Variants in CDH23 observed in about 807,000 individuals in gnomAD.
The protein encoded by CDH23 is cadherin related 23.
CDH23 carries 189 observed loss-of-function variants against 317.1 expected under a neutral mutation model. That is an observed-to-expected ratio of 0.60 (90% confidence interval 0.53 to 0.67). CDH23 has a LOEUF of 0.67. CDH23 is among the 30% of genes least tolerant of loss of function. CDH23 has a pLI of 0.00. For missense variants in CDH23, 4,401 were observed against 4,592.4 expected, an observed-to-expected ratio of 0.96 and a Z score of 1.20; for synonymous variants, 1,839 against 1,876.8, an observed-to-expected ratio of 0.98 and a Z score of 0.52.
intron 38 of CDH23, chr10:71,755,093 AT>A (rs751887871): frequency 3.2e-6 from 2 of 616,266 alleles, no homozygotes; most frequent in Non-Finnish European, 6.1e-6. Flanking sequence ...GCATATGATC[AT>A]TCATTCAGAA....
intron 19 of CDH23, among the ~76,000 whole-genome samples, chr10:71,688,690 C>G (rs866971624): frequency 0.19 from 1,194 of 6,326 alleles, no homozygotes; most frequent in Admixed American, 0.21. Context: ...GTGGAGCCAA[C>G]GGTGGTGGAG....
chr10:71,672,282 G>T (rs184163791), intron 14 of CDH23, among the ~76,000 whole-genome samples: 1 of 152,046 alleles, frequency 6.6e-6, no homozygotes, highest in East Asian at 1.9e-4. Context: ...ATTCAGGGCC[G>T]ACAATGTGTG....
At chr10:71,483,435 C>T (rs758243768) in intron 3 of CDH23, among the ~76,000 whole-genome samples, 8 of 152,188 alleles carry the variant, frequency 5.3e-5, no homozygotes, top group Non-Finnish European at 1.2e-4. Flanking sequence ...TCTGGTGATT[C>T]CCAGCTGGGT....
intron 3 of CDH23, among the ~76,000 whole-genome samples, chr10:71,482,049 G>C (rs1478789804): frequency 6.6e-6 from 1 of 152,136 alleles, no homozygotes; most frequent in African/African-American, 2.4e-5. Context: ...CCTGACTGAG[G>C]CCCTTCGCAA....
intron 8 of CDH23, among the ~76,000 whole-genome samples, chr10:71,571,552 C>T (rs1857810521): frequency 6.6e-6 from 1 of 152,228 alleles, no homozygotes; most frequent in African/African-American, 2.4e-5. Context: ...CATGCCTCGG[C>T]CCACTCTGCA....
intron 6 of CDH23, among the ~76,000 whole-genome samples, chr10:71,563,751 T>C (rs918427819): frequency 6.6e-6 from 1 of 150,434 alleles, no homozygotes. Context: ...TTTTTCTTTT[T>C]TTTTTTTTCT....
chr10:71,742,847 G>A (rs1839774064), intron 38 of CDH23, among the ~76,000 whole-genome samples: 1 of 152,206 alleles, frequency 6.6e-6, no homozygotes, highest in Admixed American at 6.5e-5. Context: ...AATTCTGCAG[G>A]CTGGCAATCT....
At chr10:71,584,661 A>G (rs1324121934) in intron 9 of CDH23, among the ~76,000 whole-genome samples, 1 of 152,066 alleles carries the variant, frequency 6.6e-6, no homozygotes, top group Non-Finnish European at 1.5e-5. Context: ...GCCTCTGGCC[A>G]TGGCCTAGTG....
rs1033270221 is a variant in CDH23, at chr10:71,780,962, G to A, written c.5368+1515G>A. Among the ~76,000 whole-genome samples the A allele has an allele frequency of 4.6e-5, 7 of 152,206 alleles. No homozygotes were observed. The East Asian group carries it at 1.2e-3, about 25-fold the overall frequency. On this transcript the variant is annotated intron_variant, in intron 41 of 69. Transcript: ENST00000224721. Reference sequence around the variant, plus strand: ...TGTGAGAGAAAGTCAAGGTTTTGGCGTGAGCAACCCAAAAGATGATGGCGT... The same window carrying A: ...TGTGAGAGAAAGTCAAGGTTTTGGCATGAGCAACCCAAAAGATGATGGCGT...
At chr10:71,633,198 C>T (rs1273537671) in intron 11 of CDH23, among the ~76,000 whole-genome samples, 2 of 152,108 alleles carry the variant, frequency 1.3e-5, no homozygotes, top group South Asian at 2.1e-4. Flanking sequence ...AAGGCCCCAC[C>T]TCTCAATACT....
At chr10:71,774,400 A>G (rs976550787) in intron 38 of CDH23, among the ~76,000 whole-genome samples, 1 of 152,010 alleles carries the variant, frequency 6.6e-6, no homozygotes, top group Non-Finnish European at 1.5e-5. Flanking sequence ...AAGTCCTCCC[A>G]CTTCACGAAA....
At chr10:71,446,866 C>T (rs1466669329) in intron 3 of CDH23, among the ~76,000 whole-genome samples, 1 of 152,202 alleles carries the variant, frequency 6.6e-6, no homozygotes, top group East Asian at 1.9e-4. Flanking sequence ...AGTGTCTGGC[C>T]CCCTACTGAG....
At chr10:71,662,188 TA>T (rs1368581671) in intron 14 of CDH23, among the ~76,000 whole-genome samples, 1 of 152,066 alleles carries the variant, frequency 6.6e-6, no homozygotes, top group Non-Finnish European at 1.5e-5. Flanking sequence ...TGTGGGTATT[TA>T]ATCTATCAGA....
intron 11 of CDH23, among the ~76,000 whole-genome samples, chr10:71,632,401 T>A (rs889269364): frequency 1.2e-4 from 19 of 152,350 alleles, no homozygotes; most frequent in East Asian, 1.9e-4. Flanking sequence ...TCCTTGAGCA[T>A]AAGTGATGTA....
chr10:71,564,249 T>A (rs994251250), intron 6 of CDH23, among the ~76,000 whole-genome samples: 2 of 152,284 alleles, frequency 1.3e-5, no homozygotes, highest in South Asian at 4.1e-4. Context: ...CAGCTGGGTG[T>A]TCAGACAAGC....
intron 9 of CDH23, among the ~76,000 whole-genome samples, chr10:71,596,485 T>G (rs1169333704): frequency 6.6e-6 from 1 of 152,044 alleles, no homozygotes; most frequent in Non-Finnish European, 1.5e-5. Context: ...ATCACACAGA[T>G]GGGTAAACTG....
chr10:71,621,287 C>A (rs543369176), intron 11 of CDH23, among the ~76,000 whole-genome samples: 7 of 152,314 alleles, frequency 4.6e-5, no homozygotes, highest in Admixed American at 2.0e-4. Flanking sequence ...TGAGTAAATT[C>A]TCTGAAGGGA....
At chr10:71,658,905 A>C (rs1863528033) in intron 14 of CDH23, among the ~76,000 whole-genome samples, 1 of 152,202 alleles carries the variant, frequency 6.6e-6, no homozygotes, top group African/African-American at 2.4e-5. Context: ...GCAAGGTGGA[A>C]GCAGCTCACT....
At chr10:71,599,998 T>C (rs2132472304) in intron 9 of CDH23, among the ~76,000 whole-genome samples, 1 of 144,604 alleles carries the variant, frequency 6.9e-6, no homozygotes, top group Admixed American at 6.8e-5. Flanking sequence ...TCCTTTTTTT[T>C]TTTTTTTTTT....
Sources: allele counts gnomAD v4.1 joint callset (sites outside exome capture counted in the v4.1 genomes callset), GRCh38; gene constraint gnomAD v4.1.1; transcripts MANE v1.5; gene names NCBI Gene and HGNC (gene_info 2026-07-23, HGNC 2026-07-21).